The following SEPTIN7 variants were observed in gnomAD, a reference collection of about 807,000 sequenced individuals.
SEPTIN7 encodes the protein septin-7.
In SEPTIN7, 10 loss-of-function variants were observed where a neutral mutation model predicts 63.3. That is an observed-to-expected ratio of 0.16 (90% CI 0.10 to 0.27). SEPTIN7 has a LOEUF of 0.27. Ranked by LOEUF, SEPTIN7 falls within the 10% of genes least tolerant of loss-of-function variation. The probability of loss-of-function intolerance (pLI) is 1.00; values close to 1 mark genes in which losing one functional copy is unlikely to be tolerated. For missense variants in SEPTIN7, 310 were observed against 521.0 expected, an observed-to-expected ratio of 0.59 and a Z score of 3.94; for synonymous variants, 131 against 165.3, an observed-to-expected ratio of 0.79 and a Z score of 1.59.
chr7:35,826,540 G>T (rs765480048), intron 1 of SEPTIN7, among the ~76,000 whole-genome samples: 6 of 151,706 alleles, frequency 4.0e-5, no homozygotes, highest in Non-Finnish European at 8.8e-5. Flanking sequence ...ATAGAATTTG[G>T]GTGTGTTAAG....
chr7:35,827,297 G>A (rs1346956582), intron 1 of SEPTIN7, among the ~76,000 whole-genome samples: 1 of 147,190 alleles, frequency 6.8e-6, no homozygotes, highest in East Asian at 2.0e-4. Context: ...TGCCACAATT[G>A]TATCACTCAC....
chr7:35,897,401 T>C (rs1788018259), intron 11 of SEPTIN7, among the ~76,000 whole-genome samples: 1 of 152,190 alleles, frequency 6.6e-6, no homozygotes, highest in African/African-American at 2.4e-5. Context: ...TGTAAGTATA[T>C]TAGCCTTAAC....
intron 1 of SEPTIN7, among the ~76,000 whole-genome samples, chr7:35,808,287 A>G (rs762763472): frequency 2.0e-5 from 3 of 152,108 alleles, no homozygotes; most frequent in Non-Finnish European, 4.4e-5. Flanking sequence ...TGTTCTTCCA[A>G]AGGTGTTTTT....
intron 1 of SEPTIN7, among the ~76,000 whole-genome samples, chr7:35,812,304 C>T (rs73096592): frequency 6.6e-6 from 1 of 151,160 alleles, no homozygotes; most frequent in Non-Finnish European, 1.5e-5. Flanking sequence ...AGACATAGGC[C>T]CCACGTCCCT....
chr7:35,883,289 T>C (rs1283210231), intron 8 of SEPTIN7, among the ~76,000 whole-genome samples: 3 of 152,156 alleles, frequency 2.0e-5, no homozygotes, highest in Non-Finnish European at 2.9e-5. Context: ...TACTGAATAA[T>C]GGCATTATGT....
chr7:35,859,598 C>G (rs947487451), intron 3 of SEPTIN7, among the ~76,000 whole-genome samples: 1 of 152,148 alleles, frequency 6.6e-6, no homozygotes, highest in Non-Finnish European at 1.5e-5. Flanking sequence ...ATTGAAGTCT[C>G]CAACTATTAT....
In SEPTIN7 at chr7:35,807,237, T is replaced by C. The variant is rs190255428; in HGVS notation, c.61+5967T>C. On this transcript the variant is annotated intron_variant, in intron 1 of 13. Transcript: ENST00000350320. Reference sequence around the variant, plus strand: ...TTCGCTCTTGTTGCCCAGGCTGGAGTGCAATGGCACAGTCTCAGCCACCGC... The same window carrying C: ...TTCGCTCTTGTTGCCCAGGCTGGAGCGCAATGGCACAGTCTCAGCCACCGC... Among the ~76,000 whole-genome samples, 971 of 151,160 alleles carry C rather than the reference T, an allele frequency of 6.4e-3. 12 individuals are homozygous for C. Among genetic ancestry groups the C allele is most frequent in the African/African-American group, 0.023 (931 of 41,150 alleles).
intron 1 of SEPTIN7, among the ~76,000 whole-genome samples, chr7:35,801,649 C>T (rs549103545): frequency 1.3e-5 from 2 of 152,308 alleles, no homozygotes; most frequent in South Asian, 4.1e-4. Flanking sequence ...CCGCCGGCTT[C>T]CGCGGCCCCG....
In SEPTIN7 at chr7:35,801,302, G is replaced by A. The variant is rs1215367225; in HGVS notation, c.61+32G>A. On this transcript the variant is annotated intron_variant, in intron 1 of 13. Coordinates refer to ENST00000350320, the MANE Select transcript of SEPTIN7 (RefSeq NM_001788.6). ...CTCAGCTTCGGGTGCCGCGACTTGG[G>A]GTCAGCGGCTCCGAATGCCGGGAAG... is the stretch of plus-strand genomic sequence containing the variant. 2.6e-6 allele frequency: 4 copies of A among 1,516,718 alleles called. No homozygotes were observed. The African/African-American group carries it at 5.7e-5, about 22-fold the overall frequency. 94.0% of individuals were successfully genotyped at this position (1,516,718 alleles called of 1,614,324 possible). A position where few individuals can be genotyped will look rare whatever the true frequency, so the allele number is the denominator to read the frequency against.
rs570095053 is a variant in SEPTIN7 at position 35,801,200 on chromosome 7, G to T, written c.-10G>T. 6.4e-5 allele frequency: 97 copies of T among 1,504,116 alleles called. No homozygotes were observed. Among genetic ancestry groups the T allele is most frequent in the South Asian group, 3.5e-4 (28 of 79,338 alleles). The allele number at this position is 1,504,116 out of a possible 1,614,324, so 93.2% of individuals were successfully genotyped here. On this transcript the variant is annotated 5_prime_UTR_variant, in exon 1 of 14. Coordinates refer to ENST00000350320, the MANE Select transcript of SEPTIN7 (RefSeq NM_001788.6). ...GCTCCGCTGGGGCTGGTCGCGGAGG[G>T]GGGGAGGGGATGTCGGTCAGTGCGA...
chr7:35,809,474 A>G (rs1350667746), intron 1 of SEPTIN7, among the ~76,000 whole-genome samples: 1 of 152,242 alleles, frequency 6.6e-6, no homozygotes, highest in Non-Finnish European at 1.5e-5. Flanking sequence ...CACTGTGCTT[A>G]AAGTCTAGGC....
intron 9 of SEPTIN7, among the ~76,000 whole-genome samples, 186 bp downstream of exon 9, chr7:35,884,173 A>ATC (rs1457375804): frequency 8.5e-5 from 13 of 152,172 alleles, no homozygotes; most frequent in Non-Finnish European, 1.3e-4. Flanking sequence ...TCAAACCTGT[A>ATC]TCCTACCAAG....
At chr7:35,877,013 A>G (rs973624324) in intron 6 of SEPTIN7, among the ~76,000 whole-genome samples, 1 of 152,090 alleles carries the variant, frequency 6.6e-6, no homozygotes, top group Non-Finnish European at 1.5e-5. Context: ...CTGTAGTCCT[A>G]GCTACCCAGG....
chr7:35,870,517 A>G (rs1454709619), intron 4 of SEPTIN7, among the ~76,000 whole-genome samples: 1 of 152,188 alleles, frequency 6.6e-6, no homozygotes, highest in South Asian at 2.1e-4. Flanking sequence ...AAGGAGTGGT[A>G]TGATTACTTT....
At chr7:35,801,418 G>T in intron 1 of SEPTIN7, 148 bp downstream of exon 1, 1 of 986,548 alleles carries the variant, frequency 1.0e-6, no homozygotes, top group Non-Finnish European at 1.4e-6. Context: ...CTGCGGGCCC[G>T]GGGCGCGGCA....
At chr7:35,859,765 G>C (rs1274709000) in intron 3 of SEPTIN7, among the ~76,000 whole-genome samples, 6 of 152,142 alleles carry the variant, frequency 3.9e-5, no homozygotes, top group Non-Finnish European at 8.8e-5. Flanking sequence ...GATAGTTTTT[G>C]ACTTGAGACT....
At chr7:35,854,303 C>T (rs1297841962) in intron 3 of SEPTIN7, among the ~76,000 whole-genome samples, 1 of 152,184 alleles carries the variant, frequency 6.6e-6, no homozygotes, top group African/African-American at 2.4e-5. Flanking sequence ...TACTGGCTGT[C>T]ACTGTCATTA....
chr7:35,822,383 C>CT (rs1562747056), intron 1 of SEPTIN7, among the ~76,000 whole-genome samples: 1 of 151,890 alleles, frequency 6.6e-6, no homozygotes, highest in African/African-American at 2.4e-5. Flanking sequence ...TTATTTTTTT[C>CT]TTTTTTTAAG....
intron 1 of SEPTIN7, among the ~76,000 whole-genome samples, chr7:35,813,104 C>T (rs531158939): frequency 6.6e-6 from 1 of 152,264 alleles, no homozygotes. Context: ...GTGCCAAACC[C>T]TTTATGTTAA....
Sources: gnomAD v4.1 joint callset for allele counts (sites outside exome capture counted in the v4.1 genomes callset) on GRCh38, gnomAD v4.1.1 for gene constraint, MANE v1.5 for transcripts, NCBI Gene and HGNC (gene_info 2026-07-23, HGNC 2026-07-21) for gene names.